Variants in ATL1 observed in about 807,000 individuals in gnomAD.
ATL1 encodes the protein atlastin GTPase 1, also known as atlastin-1.
ATL1 carries 31 observed loss-of-function variants against 75.5 expected under a neutral mutation model. The observed-to-expected ratio is 0.41, with a 90% CI of 0.31 to 0.55. The LOEUF (loss-of-function observed/expected upper bound fraction) is 0.55. Among genes scored for constraint, ATL1 ranks in the 20% least tolerant of loss-of-function variants. ATL1 has a pLI of 0.27. For synonymous variants in ATL1, 226 were observed against 233.3 expected, an observed-to-expected ratio of 0.97 and a Z score of 0.28; for missense variants, 405 against 662.6, an observed-to-expected ratio of 0.61 and a Z score of 4.27.
chr14:50,598,525 T>C (rs1000510948), intron 6 of ATL1, among the ~76,000 whole-genome samples: 2 of 152,060 alleles, frequency 1.3e-5, no homozygotes, highest in Non-Finnish European at 2.9e-5. Context: ...CATGCCCAGC[T>C]AATTTTGTTG....
chr14:50,628,096 G>A lies in ATL1; in HGVS notation c.1185G>A (p.Lys395=), dbSNP rs1370549117. 1 of 1,614,184 alleles carries A rather than the reference G, an allele frequency of 6.2e-7. No homozygotes were observed. The highest frequency in any genetic ancestry group is 1.1e-5 in the South Asian group (1 of 91,088). The change falls in exon 12 of 14, where the codon AAG becomes AAA. Residue 395 remains lysine (K), a synonymous_variant. Transcript: ENST00000358385. ...NDLQTKHLQL[K]EESVKLFRGV... is the part of the protein sequence containing the mutation. ...TGCAGACCAAACACCTGCAACTTAA[G>A]GAAGAATCTGTGAAGCTATTCCGAG...
chr14:50,543,366 A>C (rs1040399072), intron 1 of ATL1, among the ~76,000 whole-genome samples: 3 of 152,216 alleles, frequency 2.0e-5, no homozygotes, highest in Non-Finnish European at 4.4e-5. Flanking sequence ...TATAGAGGGA[A>C]GAGTGACCTG....
chr14:50,578,746 T>C (rs561546534), intron 1 of ATL1, among the ~76,000 whole-genome samples: 9 of 152,332 alleles, frequency 5.9e-5, no homozygotes, highest in Non-Finnish European at 1.2e-4. Context: ...TATTAATCAG[T>C]CCCTCATTGA....
chr14:50,539,738 G>A (rs1296420117), intron 1 of ATL1, among the ~76,000 whole-genome samples: 2 of 152,230 alleles, frequency 1.3e-5, no homozygotes, highest in African/African-American at 2.4e-5. Context: ...GAAGTTGTAG[G>A]ATCTTGCTAA....
chr14:50,556,312 C>A (rs558124387), upstream of ATL1, among the ~76,000 whole-genome samples: 18 of 152,236 alleles, frequency 1.2e-4, no homozygotes, highest in African/African-American at 3.9e-4. Context: ...AACTCCTGGG[C>A]TCAAGGGATC....
At chr14:50,592,064 T>C (rs2039164059) in intron 4 of ATL1, among the ~76,000 whole-genome samples, 1 of 152,220 alleles carries the variant, frequency 6.6e-6, no homozygotes, top group South Asian at 2.1e-4. Flanking sequence ...CATGTGTTCA[T>C]AGCTTTTAAA....
chr14:50,603,716 T>G (rs2039291676), intron 6 of ATL1, among the ~76,000 whole-genome samples: 1 of 152,214 alleles, frequency 6.6e-6, no homozygotes, highest in Non-Finnish European at 1.5e-5. Flanking sequence ...ATATCTGTGA[T>G]GATTATAACT....
At chr14:50,612,747 G>C (rs1356805567) in intron 6 of ATL1, among the ~76,000 whole-genome samples, 1 of 152,118 alleles carries the variant, frequency 6.6e-6, no homozygotes, top group Non-Finnish European at 1.5e-5. Flanking sequence ...TTAAATCCAG[G>C]AGATGGGATG....
Position 50,581,066 on chromosome 14 carries a change from GT to G in ATL1, c.35-6759del, listed in dbSNP as rs368760630. Among the ~76,000 whole-genome samples, 18 of 151,424 alleles carry G rather than the reference GT, an allele frequency of 1.2e-4. No homozygotes were observed. The East Asian group carries it at 2.1e-3, about 18-fold the overall frequency. ...TATATCTAATATGAGTAATTTGTGGGTTTTTTCTCTTATTTTCTTTGATCAG... is the reference window on the plus strand; with the variant it reads ...TATATCTAATATGAGTAATTTGTGGGTTTTTCTCTTATTTTCTTTGATCAG... On this transcript the variant is annotated intron_variant, in intron 1 of 13. Coordinates refer to ENST00000358385, the MANE Select transcript of ATL1 (RefSeq NM_015915.5).
intron 1 of ATL1, among the ~76,000 whole-genome samples, chr14:50,573,807 T>C (rs1482415710): frequency 1.3e-5 from 2 of 152,222 alleles, no homozygotes; most frequent in African/African-American, 4.8e-5. Flanking sequence ...ATTTTGCTCA[T>C]AGACCTTTGA....
chr14:50,556,172 A>G (rs960694700), upstream of ATL1, among the ~76,000 whole-genome samples: 9 of 152,228 alleles, frequency 5.9e-5, no homozygotes, highest in African/African-American at 1.7e-4. Flanking sequence ...TTTTAAAAAC[A>G]TAATTCACAT....
intron 8 of ATL1, among the ~76,000 whole-genome samples, chr14:50,616,498 A>C (rs866727914): frequency 3.1e-5 from 3 of 96,858 alleles, no homozygotes; most frequent in Non-Finnish European, 6.4e-5. Context: ...TTATTTATTT[A>C]TTTATTTTGC....
At chr14:50,628,700 A>C in intron 12 of ATL1, 1 of 659,954 alleles carries the variant, frequency 1.5e-6, no homozygotes, top group Non-Finnish European at 2.8e-6. Context: ...ACATCAGTTT[A>C]GTAGTATATA....
chr14:50,578,012 T>G (rs140386247), intron 1 of ATL1, among the ~76,000 whole-genome samples: 2 of 152,324 alleles, frequency 1.3e-5, no homozygotes, highest in African/African-American at 4.8e-5. Flanking sequence ...TTCTTAACTG[T>G]AAGTGACATA....
At chr14:50,607,130 C>A (rs1441728140) in intron 6 of ATL1, among the ~76,000 whole-genome samples, 1 of 151,910 alleles carries the variant, frequency 6.6e-6, no homozygotes, top group Non-Finnish European at 1.5e-5. Flanking sequence ...AATTGAAGGA[C>A]AAATGGAATT....
At chr14:50,541,465 G>A (rs1235183822) in intron 1 of ATL1, among the ~76,000 whole-genome samples, 1 of 152,162 alleles carries the variant, frequency 6.6e-6, no homozygotes, top group Non-Finnish European at 1.5e-5. Flanking sequence ...CCTTAAAGAT[G>A]CACAGTGTTT....
At position 50,630,288 on chromosome 14, in the gene ATL1, T is replaced by A. The variant is rs544576415; in HGVS notation, c.1566+279T>A. Among the ~76,000 whole-genome samples, 20 of 152,360 alleles carry A rather than the reference T, an allele frequency of 1.3e-4. No individual in the cohort carries two copies. The East Asian group carries it at 3.9e-3, about 29-fold the overall frequency. On this transcript the variant is annotated intron_variant, in intron 13 of 13. Transcript: ENST00000358385. Reference sequence around the variant, plus strand: ...AATGTGTAGAAAACTTCAAAATTCTTAAGCTCTGAAATGGTGGACTCTGCT... The same window carrying A: ...AATGTGTAGAAAACTTCAAAATTCTAAAGCTCTGAAATGGTGGACTCTGCT...
chr14:50,598,091 T>C (rs988820711), intron 6 of ATL1, among the ~76,000 whole-genome samples: 1 of 152,174 alleles, frequency 6.6e-6, no homozygotes, highest in Non-Finnish European at 1.5e-5. Context: ...AAATCTTTAG[T>C]AATTAGCCAC....
intron 1 of ATL1, among the ~76,000 whole-genome samples, chr14:50,586,257 C>T (rs938147670): frequency 6.6e-6 from 1 of 152,152 alleles, no homozygotes; most frequent in South Asian, 2.1e-4. Context: ...GCTGCTGTAA[C>T]AGAAAATCAT....
Sources: allele counts gnomAD v4.1 joint callset (sites outside exome capture counted in the v4.1 genomes callset), GRCh38; gene constraint gnomAD v4.1.1; transcripts MANE v1.5; gene names NCBI Gene and HGNC (gene_info 2026-07-23, HGNC 2026-07-21).